The following FAM156B variants were observed in gnomAD, a reference collection of about 807,000 sequenced individuals.
The protein encoded by FAM156B is protein FAM156A/FAM156B.
At chrX:52,904,121 CT>C (rs1377366361) in intron 2 of FAM156B, among the ~76,000 whole-genome samples, 1 of 105,554 alleles carries the variant, frequency 9.5e-6, no homozygotes, top group Non-Finnish European at 2.0e-5. Context: ...AGTGGTGCAG[CT>C]TTGATTTTCA....
At chrX:52,892,952 CCAT>C (rs1928221849), upstream of FAM156B, among the ~76,000 whole-genome samples, 1 of 30,238 alleles carries the variant, frequency 3.3e-5, no homozygotes, top group African/African-American at 1.5e-4. Flanking sequence ...AACTAGATTC[CCAT>C]TCTCAGTCTG....
At chrX:52,904,243 A>AGTATC (rs1928408793) in intron 2 of FAM156B, among the ~76,000 whole-genome samples, 1 of 114,949 alleles carries the variant, frequency 8.7e-6, no homozygotes. Context: ...AGTATCGTAT[A>AGTATC]GTATCGTATC....
At chrX:52,904,176 ATTGTATTGTG>A (rs1381345165) in intron 2 of FAM156B, among the ~76,000 whole-genome samples, 151 of 113,893 alleles carry the variant, frequency 1.3e-3, no homozygotes, top group African/African-American at 3.5e-3. Flanking sequence ...GTTGTGTTGT[ATTGTATTGTG>A]TTGTATTGTG....
chrX:52,904,223 CGTATCGTATA>C (rs1266176827), intron 2 of FAM156B, among the ~76,000 whole-genome samples: 1 of 114,959 alleles, frequency 8.7e-6, no homozygotes, highest in South Asian at 3.4e-4. Context: ...TGTATCGTAT[CGTATCGTATA>C]GTATCGTATA....
chrX:52,893,035 GCT>G (rs1333823666), upstream of FAM156B, among the ~76,000 whole-genome samples: 652 of 84,491 alleles, frequency 7.7e-3, 1 homozygote, highest in African/African-American at 0.029. Context: ...CGCTGCCTCT[GCT>G]CTGTTTGCCT....
intron 2 of FAM156B, among the ~76,000 whole-genome samples, chrX:52,904,171 GTTGTA>G (rs1162050936): frequency 3.5e-5 from 4 of 113,724 alleles, no homozygotes; most frequent in Admixed American, 9.2e-5. Flanking sequence ...CCAAAGTTGT[GTTGTA>G]TTGTATTGTG....
chrX:52,904,213 T>TGTATCGTATC (rs1301476229), intron 2 of FAM156B, among the ~76,000 whole-genome samples: 1 of 114,903 alleles, frequency 8.7e-6, no homozygotes, highest in African/African-American at 3.2e-5. Context: ...TGTATTGTAT[T>TGTATCGTATC]GTATCGTATC....
At chrX:52,893,158 G>A (rs1489470170), upstream of FAM156B, among the ~76,000 whole-genome samples, 4 of 93,374 alleles carry the variant, frequency 4.3e-5, no homozygotes, top group Non-Finnish European at 6.5e-5. Context: ...CGGTGGAGGC[G>A]CAGAAGCTAA....
At chrX:52,904,196 GTTGTA>G (rs1218354697) in intron 2 of FAM156B, among the ~76,000 whole-genome samples, 13 of 114,259 alleles carry the variant, frequency 1.1e-4, no homozygotes, top group East Asian at 5.4e-4. Context: ...GTTGTATTGT[GTTGTA>G]TTGTATTGTA....
chrX:52,904,243 AGTATC>A (rs1928408793), intron 2 of FAM156B, among the ~76,000 whole-genome samples: 2 of 114,894 alleles, frequency 1.7e-5, no homozygotes, highest in South Asian at 3.4e-4. Context: ...AGTATCGTAT[AGTATC>A]GTATCGTATC....
chrX:52,904,277 CCTATTCTATT>C (rs1928416430), intron 2 of FAM156B, among the ~76,000 whole-genome samples: 1 of 110,178 alleles, frequency 9.1e-6, no homozygotes, highest in Non-Finnish European at 2.0e-5. Flanking sequence ...TTCTATCTAT[CCTATTCTATT>C]CTGTTCTATT....
intron 2 of FAM156B, among the ~76,000 whole-genome samples, chrX:52,904,280 ATTCTATTCTG>A (rs1295054651): frequency 0.095 from 10,757 of 113,519 alleles, 483 homozygotes; most frequent in Non-Finnish European, 0.14. Context: ...TATCTATCCT[ATTCTATTCTG>A]TTCTATTCTG....
intron 2 of FAM156B, among the ~76,000 whole-genome samples, chrX:52,904,208 T>TGTATTGTATC (rs1928399312): frequency 1.7e-5 from 2 of 114,825 alleles, no homozygotes; most frequent in African/African-American, 6.3e-5. Context: ...TGTATTGTAT[T>TGTATTGTATC]GTATTGTATC....
upstream of FAM156B, among the ~76,000 whole-genome samples, chrX:52,893,362 G>GT (rs1278177553): frequency 3.0e-5 from 1 of 32,930 alleles, no homozygotes; most frequent in Admixed American, 3.8e-4. Context: ...GTACGTTGTC[G>GT]TGAGTTTAAA....
chrX:52,904,258 CCTATT>C (rs1260682365), intron 2 of FAM156B, among the ~76,000 whole-genome samples: 2 of 114,407 alleles, frequency 1.7e-5, no homozygotes, highest in Non-Finnish European at 3.7e-5. Flanking sequence ...CGTATCGTAT[CCTATT>C]CTATTCTATC....
chrX:52,893,182 CTG>C (rs2046862412), upstream of FAM156B, among the ~76,000 whole-genome samples: 1 of 86,417 alleles, frequency 1.2e-5, no homozygotes, highest in Non-Finnish European at 2.3e-5. Flanking sequence ...CGACTGGTAG[CTG>C]TGAGGCAAGG....
chrX:52,904,267 TTCTA>T (rs1321395275), intron 2 of FAM156B, among the ~76,000 whole-genome samples: 2 of 113,713 alleles, frequency 1.8e-5, no homozygotes, highest in African/African-American at 3.2e-5. Context: ...TCCTATTCTA[TTCTA>T]TCTATCCTAT....
chrX:52,904,196 G>GTTGTATTGTA (rs1218354697), intron 2 of FAM156B, among the ~76,000 whole-genome samples: 1 of 114,213 alleles, frequency 8.8e-6, no homozygotes, highest in African/African-American at 3.2e-5. Flanking sequence ...GTTGTATTGT[G>GTTGTATTGTA]TTGTATTGTA....
Sources: allele counts gnomAD v4.1 joint callset (sites outside exome capture counted in the v4.1 genomes callset), GRCh38; gene constraint gnomAD v4.1.1; transcripts MANE v1.5; gene names NCBI Gene and HGNC (gene_info 2026-07-23, HGNC 2026-07-21).